The following ABCA8 variants were observed in gnomAD, a reference collection of about 807,000 sequenced individuals.
ABCA8 encodes ATP binding cassette subfamily A member 8.
A neutral mutation model predicts 192.3 loss-of-function variants in ABCA8; 177 were observed. That is an observed-to-expected ratio of 0.92 (90% CI 0.81 to 1.04). The LOEUF is 1.04. Ranked by LOEUF, ABCA8 falls within the 50% of genes least tolerant of loss-of-function variation. ABCA8 has a pLI of 0.00. For synonymous variants in ABCA8, 642 were observed against 690.2 expected (o/e 0.93, Z 1.09); for missense variants, 1,915 against 1,904.8 (o/e 1.01, Z -0.10).
chr17:68,917,202 C>T (rs1314624558), intron 17 of ABCA8, among the ~76,000 whole-genome samples, 159 bp downstream of exon 17: 5 of 152,020 alleles, frequency 3.3e-5, no homozygotes, highest in South Asian at 4.1e-4. Flanking sequence ...ACCCAGGAGG[C>T]GGAGCTTGCA....
chr17:68,922,415 C>CATGTATCCTG, intron 11 of ABCA8, 115 bp from the exon 12 acceptor site: 1 of 705,306 alleles, frequency 1.4e-6, no homozygotes, highest in Non-Finnish European at 2.2e-6. Flanking sequence ...TCTGGGTCTT[C>CATGTATCCTG]ACTCTCACAC....
Position 68,918,475 on chromosome 17 carries a change from T to A in ABCA8, c.1860A>T (p.Gly620=). Residue 620 remains glycine (G), a synonymous_variant, in exon 15 of 40, where the codon GGA becomes GGT. Transcript: ENST00000586539. ...TCCCAAAGGTTAGCTTTCTTTTCTG[T>A]CCACCACTTAAGTTTTGAGCAAGAA... ...QDVLAQNLSG[G]QKRKLTFGIA... The A allele has an allele frequency of 6.4e-7, 1 of 1,561,232 alleles. No homozygotes were observed. The highest frequency in any genetic ancestry group is 8.6e-7 in the Non-Finnish European group (1 of 1,158,214).
chr17:68,918,625 T>C (rs926241899), intron 14 of ABCA8, 79 bp from the exon 15 acceptor site: 5 of 1,362,168 alleles, frequency 3.7e-6, no homozygotes, highest in Non-Finnish European at 9.6e-7. Context: ...GGCTGTAAAG[T>C]GTAAATGGTT....
rs927893280 is a variant in ABCA8, at chr17:68,891,346, T to G, written c.3144+143A>C. The G allele has an allele frequency of 1.4e-4, 77 of 554,202 alleles. No homozygotes were observed. The South Asian group carries it at 2.0e-3, about 14-fold the overall frequency. 34.3% of individuals were successfully genotyped at this position (554,202 alleles called of 1,614,324 possible). On this transcript the variant is annotated intron_variant, in intron 24 of 39. Coordinates refer to ENST00000586539, the MANE Select transcript of ABCA8 (RefSeq NM_001288985.2). ...ATCTATATATTTCAACTTATAAAAC[T>G]TTCTTTCATTTTTATAACTTAGAAT...
chr17:68,921,879 A>G (rs1371049271), intron 12 of ABCA8, among the ~76,000 whole-genome samples: 1 of 152,152 alleles, frequency 6.6e-6, no homozygotes, highest in Non-Finnish European at 1.5e-5. Context: ...CACACAAAAG[A>G]AAAACATACA....
rs957977547 is a variant in ABCA8, at chr17:68,903,575, A to T, written c.2399-76T>A. On this transcript the variant is annotated intron_variant, in intron 19 of 39. Coordinates refer to ENST00000586539, the MANE Select transcript of ABCA8 (RefSeq NM_001288985.2). ...AGAGATTGGCTCTGCTAAGCATCTC[A>T]TGATTAGACTCTTCCGCGTTACTAT... is the stretch of plus-strand genomic sequence containing the variant. 46 of 1,374,640 alleles carry T rather than the reference A, an allele frequency of 3.3e-5. No homozygotes were observed. The Admixed American group carries it at 8.6e-4, about 26-fold the overall frequency. The allele number at this position is 1,374,640 out of a possible 1,614,324, so 85.2% of individuals were successfully genotyped here.
chr17:68,894,015 G>A (rs765625472), intron 23 of ABCA8, 158 bp downstream of exon 23: 9 of 754,074 alleles, frequency 1.2e-5, no homozygotes, highest in South Asian at 8.1e-5. Flanking sequence ...CTCTGAAAAC[G>A]TATTGATTTT....
At chr17:68,929,987 TG>T (rs71144639) in intron 7 of ABCA8, among the ~76,000 whole-genome samples, 6 of 47,502 alleles carry the variant, frequency 1.3e-4, no homozygotes, top group African/African-American at 2.0e-4. Context: ...GTGGGGGCGG[TG>T]GGGGGGGAAT....
Position 68,924,855 on chromosome 17 carries a change from G to A in ABCA8, c.1288C>T (p.Arg430Ter), listed in dbSNP as rs368751441. 9.3e-6 allele frequency: 15 copies of A among 1,613,684 alleles called. No homozygotes were observed. The highest frequency in any genetic ancestry group is 8.0e-5 in the African/African-American group (6 of 74,900). ...EKILPNEYGH[R>*]RPPLFFLKSS... is the part of the protein sequence containing the mutation. ...TTCAGGAAAAACAAAGGTGGACGTCGATGTCCATATTCATCTACATGGCCA... is the reference window on the plus strand; with the variant it reads ...TTCAGGAAAAACAAAGGTGGACGTCAATGTCCATATTCATCTACATGGCCA... Residue 430 changes from arginine (R) to a stop codon, truncating the protein, a stop_gained, in exon 11 of 40, where the codon CGA becomes TGA. Coordinates refer to ENST00000586539, the MANE Select transcript of ABCA8 (RefSeq NM_001288985.2). LOFTEE classifies it high-confidence loss of function.
At chr17:68,882,464 G>T in intron 30 of ABCA8, 135 bp downstream of exon 30, 9 of 666,518 alleles carry the variant, frequency 1.4e-5, no homozygotes, top group South Asian at 9.4e-5. Context: ...ACTTTTAGTC[G>T]CTCATTTAAT....
chr17:68,941,272 T>C (rs2068223388), intron 3 of ABCA8, among the ~76,000 whole-genome samples: 2 of 152,146 alleles, frequency 1.3e-5, no homozygotes, highest in South Asian at 4.1e-4. Context: ...CTTCGTTAGT[T>C]ATAAATCCTG....
chr17:68,914,616 C>A (rs979716894), intron 17 of ABCA8, among the ~76,000 whole-genome samples: 1 of 151,896 alleles, frequency 6.6e-6, no homozygotes, highest in Non-Finnish European at 1.5e-5. Context: ...ATAGTGAAAA[C>A]CATAAAACAT....
intron 5 of ABCA8, among the ~76,000 whole-genome samples, chr17:68,934,304 G>GA (rs940979051): frequency 1.1e-4 from 17 of 150,478 alleles, no homozygotes; most frequent in Middle Eastern, 3.4e-3. Context: ...GTGATTACCA[G>GA]AAAAAAAAAT....
Position 68,929,237 on chromosome 17 carries a change from A to C in ABCA8, c.940-3T>G. 1 of 1,581,938 alleles carries C rather than the reference A, an allele frequency of 6.3e-7. No individual in the cohort carries two copies. The highest frequency in any genetic ancestry group is 8.6e-7 in the Non-Finnish European group (1 of 1,165,542). On this transcript the variant is annotated splice_polypyrimidine_tract_variant and splice_region_variant and intron_variant, in intron 8 of 39. Coordinates refer to ENST00000586539, the MANE Select transcript of ABCA8 (RefSeq NM_001288985.2). The stretch of plus-strand genomic sequence containing the variant: ...CTCATTAAGAAAGCCAAAGCTACCT[A>C]AAATGAGAGAAGATCTAGTTGGTTT...
intron 21 of ABCA8, among the ~76,000 whole-genome samples, chr17:68,901,258 AT>A (rs2066902270): frequency 8.6e-6 from 1 of 116,458 alleles, no homozygotes; most frequent in South Asian, 3.3e-4. Context: ...ACTGTATCTG[AT>A]AAAAGAATTT....
chr17:68,902,451 A>G (rs1037426903), intron 21 of ABCA8, among the ~76,000 whole-genome samples: 1 of 152,232 alleles, frequency 6.6e-6, no homozygotes, highest in Admixed American at 6.5e-5. Flanking sequence ...CCTGTGAAGT[A>G]TATCTTAATG....
Position 68,868,116 on chromosome 17 carries a change from T to C in ABCA8, c.4835A>G (p.Lys1612Arg), listed in dbSNP as rs948761287. The C allele has an allele frequency of 6.2e-7, 1 of 1,612,954 alleles. No homozygotes were observed. Among genetic ancestry groups the C allele is most frequent in the East Asian group, 2.2e-5 (1 of 44,872 alleles). The change falls in exon 40 of 40, where the codon AAG becomes AGG. Residue 1612 changes from lysine (K) to arginine (R), a missense_variant. Transcript: ENST00000586539. The stretch of plus-strand genomic sequence containing the variant: ...CTCTTCCTGGGGGAGGAGCTTCCAC[T>C]TCACTGAGGGATCAAAATCCTCCTC... ...DFEEDFDPSV[K>R]WKLLPQEEP
At chr17:68,936,353 G>A (rs560832627) in intron 5 of ABCA8, among the ~76,000 whole-genome samples, 24 of 152,092 alleles carry the variant, frequency 1.6e-4, no homozygotes, top group African/African-American at 4.8e-4. Flanking sequence ...GTTAATTTTT[G>A]TATATGGTGA....
intron 37 of ABCA8, among the ~76,000 whole-genome samples, chr17:68,874,228 G>T (rs762003362): frequency 3.9e-5 from 6 of 152,068 alleles, no homozygotes; most frequent in Non-Finnish European, 7.4e-5. Flanking sequence ...AATTTATACT[G>T]CATAGTTTCT....
Sources: allele counts gnomAD v4.1 joint callset (sites outside exome capture counted in the v4.1 genomes callset), GRCh38; gene constraint gnomAD v4.1.1; transcripts MANE v1.5; gene names NCBI Gene and HGNC (gene_info 2026-07-23, HGNC 2026-07-21).